Variants in CCDC141 observed in about 807,000 individuals in gnomAD.
The protein encoded by CCDC141 is coiled-coil domain containing 141.
Under a neutral mutation model 181.0 loss-of-function variants are expected in CCDC141, and 168 were observed. The observed-to-expected ratio is 0.93, with a 90% CI of 0.82 to 1.05. The LOEUF (loss-of-function observed/expected upper bound fraction) is 1.05. Among genes scored for constraint, CCDC141 ranks in the 50% least tolerant of loss-of-function variants. The pLI, the probability that CCDC141 is intolerant of heterozygous loss-of-function variation, is 0.00. For synonymous variants in CCDC141, 666 were observed against 642.3 expected, an observed-to-expected ratio of 1.04 and a Z score of -0.56; for missense variants, 1,902 against 1,788.5, an observed-to-expected ratio of 1.06 and a Z score of -1.14.
At position 178,872,227 on chromosome 2, in the gene CCDC141, T is replaced by C. The variant is rs1686150306; in HGVS notation, c.1985A>G (p.Glu662Gly). The change falls in exon 13 of 24, where the codon GAA becomes GGA. Residue 662 changes from glutamate (E) to glycine (G), a missense_variant. Coordinates refer to ENST00000443758, the MANE Select transcript of CCDC141 (RefSeq NM_173648.4). Reference sequence around the variant, plus strand: ...CCATGCCAGCCGAAGGAGGCTAAGTTCTTCCCGTTCTGCTTTCTGGTTTTC... The same window carrying C: ...CCATGCCAGCCGAAGGAGGCTAAGTCCTTCCCGTTCTGCTTTCTGGTTTTC... ...TMENQKAERE[E>G]LSLLRLAWQL... is the part of the protein sequence containing the mutation. 1 of 1,613,994 alleles carries C rather than the reference T, an allele frequency of 6.2e-7. No individual in the cohort carries two copies. Among genetic ancestry groups the C allele is most frequent in the Admixed American group, 1.7e-5 (1 of 59,986 alleles).
intron 4 of CCDC141, among the ~76,000 whole-genome samples, chr2:178,970,103 C>T (rs540367327): frequency 5.3e-5 from 8 of 152,192 alleles, no homozygotes; most frequent in African/African-American, 1.4e-4. Context: ...TACCAACCAC[C>T]GCTCAAGGAA....
intron 2 of CCDC141, among the ~76,000 whole-genome samples, chr2:179,017,302 T>C (rs902832179): frequency 6.6e-6 from 1 of 152,162 alleles, no homozygotes; most frequent in Admixed American, 6.6e-5. Context: ...CACACCATTC[T>C]ATTGTAAACT....
At chr2:178,996,087 T>C (rs1692275442) in intron 2 of CCDC141, among the ~76,000 whole-genome samples, 1 of 48,202 alleles carries the variant, frequency 2.1e-5, no homozygotes, top group Admixed American at 3.0e-4. Context: ...TTTAAAATTC[T>C]TTTTTTTTTT....
chr2:178,822,917 A>C, the CCDC141 span, among the ~76,000 whole-genome samples: 2 of 152,348 alleles, frequency 1.3e-5, no homozygotes, highest in African/African-American at 4.8e-5. Context: ...AATGTTATTA[A>C]AATAACCATG....
rs990060891 is a variant in CCDC141, at chr2:178,831,880, C to T, written c.*2293G>A. 2 of 151,978 alleles carry T rather than the reference C, an allele frequency of 1.3e-5. No individual in the cohort carries two copies. The highest frequency in any genetic ancestry group is 4.8e-5 in the African/African-American group (2 of 41,358). 9.4% of individuals were successfully genotyped at this position (151,978 alleles called of 1,614,324 possible). A position where few individuals can be genotyped will look rare whatever the true frequency, so the allele number is the denominator to read the frequency against. ...CCCACCCCCACCTTTCTCTTTCTCT[C>T]TCTCTCTAAAAATGGATTTTGCATG... On this transcript the variant is annotated 3_prime_UTR_variant, in exon 24 of 24. Transcript: ENST00000443758.
chr2:178,971,685 T>C (rs2154380040), intron 4 of CCDC141, among the ~76,000 whole-genome samples: 1 of 152,268 alleles, frequency 6.6e-6, no homozygotes, highest in South Asian at 2.1e-4. Flanking sequence ...TGTCCATCAA[T>C]AATGGACTGG....
At chr2:179,032,808 A>G (rs1055969244) in intron 2 of CCDC141, among the ~76,000 whole-genome samples, 23 of 151,978 alleles carry the variant, frequency 1.5e-4, no homozygotes, top group African/African-American at 5.3e-4. Flanking sequence ...TAAGTTTCAA[A>G]TATATGGTAG....
At chr2:178,946,128 T>A (rs1558998817) in intron 5 of CCDC141, among the ~76,000 whole-genome samples, 1 of 152,186 alleles carries the variant, frequency 6.6e-6, no homozygotes, top group Non-Finnish European at 1.5e-5. Flanking sequence ...TCATGTGACA[T>A]ATATCTCATT....
rs116720902 is a variant in CCDC141 at position 178,976,629 on chromosome 2, C to T, written c.418-1464G>A. On this transcript the variant is annotated intron_variant, in intron 3 of 23. Coordinates refer to ENST00000443758, the MANE Select transcript of CCDC141 (RefSeq NM_173648.4). ...CCCAACTGACAGTTATGTCTGTGAG[C>T]CTGAAATAATCTTGTAATAATGATC... is the stretch of plus-strand genomic sequence containing the variant. Among the ~76,000 whole-genome samples the T allele has an allele frequency of 2.0e-3, 311 of 152,216 alleles. 2 individuals carry two copies. The highest frequency in any genetic ancestry group is 7.2e-3 in the African/African-American group (298 of 41,526).
chr2:178,888,017 T>G (rs1281851238), intron 9 of CCDC141, among the ~76,000 whole-genome samples: 1 of 152,226 alleles, frequency 6.6e-6, no homozygotes, highest in Non-Finnish European at 1.5e-5. Flanking sequence ...TTCACATGTA[T>G]GTTTATATGC....
At chr2:178,974,304 C>A (rs534421508) in intron 4 of CCDC141, among the ~76,000 whole-genome samples, 43 of 152,232 alleles carry the variant, frequency 2.8e-4, no homozygotes, top group Non-Finnish European at 4.4e-4. Flanking sequence ...TCTATCCAGA[C>A]CCTATTCTAT....
At chr2:178,918,937 C>A (rs1254112407) in intron 6 of CCDC141, 30 bp from the exon 7 acceptor site, 1 of 1,531,234 alleles carries the variant, frequency 6.5e-7, no homozygotes, top group Non-Finnish European at 8.8e-7. Flanking sequence ...TTATTTTATA[C>A]ATCTCCTCTG....
intron 8 of CCDC141, among the ~76,000 whole-genome samples, chr2:178,899,008 T>C (rs1034773796): frequency 6.6e-6 from 1 of 152,112 alleles, no homozygotes; most frequent in South Asian, 2.1e-4. Flanking sequence ...ACCCTCAGTA[T>C]TTTTTTAAGC....
intron 8 of CCDC141, among the ~76,000 whole-genome samples, chr2:178,894,253 G>A (rs1452753829): frequency 6.6e-6 from 1 of 152,090 alleles, no homozygotes; most frequent in Non-Finnish European, 1.5e-5. Context: ...TGGACTGAAG[G>A]TCCTATGAGT....
rs776449042 is a variant in CCDC141 at position 178,837,190 on chromosome 2, T to C, written c.4029A>G (p.Leu1343=). ...CAGCATGCATTTTCTCCCGTGTTTC[T>C]AGCAAACCACCCTGAGCCTGAGGGT... ...QQHPQAQGGL[L]ETREKMHADN... Residue 1343 remains leucine (L), a synonymous_variant, in exon 23 of 24, where the codon CTA becomes CTG. Coordinates refer to ENST00000443758, the MANE Select transcript of CCDC141 (RefSeq NM_173648.4). 1 of 1,614,026 alleles carries C rather than the reference T, an allele frequency of 6.2e-7. No individual in the cohort carries two copies. The highest frequency in any genetic ancestry group is 8.5e-7 in the Non-Finnish European group (1 of 1,179,964).
chr2:178,872,164 T>C lies in CCDC141; in HGVS notation c.2048A>G (p.Gln683Arg). Reference sequence around the variant, plus strand: ...AAGTTGCTCTTTGAATGCCGCCCACTGCTGTTTTCCAGGCTTGCTTTCCGT... The same window carrying C: ...AAGTTGCTCTTTGAATGCCGCCCACCGCTGTTTTCCAGGCTTGCTTTCCGT... ...KATESKPGKQ[Q>R]WAAFKEQLKK... Residue 683 changes from glutamine to arginine, a missense_variant, in exon 13 of 24, where the codon CAG (glutamine) becomes CGG (arginine). Gln to Arg is a conservative substitution (Grantham distance 43). Coordinates refer to ENST00000443758, the MANE Select transcript of CCDC141 (RefSeq NM_173648.4). 6.2e-7 allele frequency: 1 copy of C among 1,613,948 alleles called. No homozygotes were observed. Among genetic ancestry groups the C allele is most frequent in the African/African-American group, 1.3e-5 (1 of 75,028 alleles).
chr2:178,890,293 C>T lies in CCDC141; in HGVS notation c.1266-1625G>A, dbSNP rs1687083946. ...GGTGCCCACTCCCACCTCTGAGTTG[C>T]CCTGTGTGGTCTCACCCCAAATGCC... On this transcript the variant is annotated intron_variant, in intron 8 of 23. Transcript: ENST00000443758. Among the ~76,000 whole-genome samples the T allele has an allele frequency of 2.0e-5, 3 of 152,114 alleles. No homozygotes were observed. The South Asian group carries it at 6.2e-4, about 32-fold the overall frequency.
At chr2:178,825,142 G>A (rs1028931888), downstream of CCDC141, among the ~76,000 whole-genome samples, 4 of 152,118 alleles carry the variant, frequency 2.6e-5, no homozygotes, top group African/African-American at 7.2e-5. Flanking sequence ...CAAAATAGCC[G>A]TTTGTATTTT....
intron 2 of CCDC141, among the ~76,000 whole-genome samples, chr2:178,999,943 G>A (rs1429745274): frequency 6.6e-6 from 1 of 151,694 alleles, no homozygotes; most frequent in Non-Finnish European, 1.5e-5. Flanking sequence ...TTTATTTTTT[G>A]CTTTTCTGAT....
Sources: allele counts gnomAD v4.1 joint callset (sites outside exome capture counted in the v4.1 genomes callset), GRCh38; gene constraint gnomAD v4.1.1; transcripts MANE v1.5; gene names NCBI Gene and HGNC (gene_info 2026-07-23, HGNC 2026-07-21).